Variants in GCH1 observed in about 807,000 individuals in gnomAD.
GCH1 encodes the protein GTP cyclohydrolase I.
In GCH1, 5 loss-of-function variants were observed where a neutral mutation model predicts 25.9. The ratio of observed to expected loss-of-function variants is 0.19; its 90% CI spans 0.10 to 0.41. GCH1 has a LOEUF of 0.41. GCH1 is among the 10% of genes least tolerant of loss of function. The pLI is 1.00. For synonymous variants in GCH1, 159 were observed against 129.6 expected (o/e 1.23, Z -1.54); for missense variants, 261 against 336.5 (o/e 0.78, Z 1.75).
intron 1 of GCH1, among the ~76,000 whole-genome samples, chr14:54,877,919 G>A (rs2040186758): frequency 6.6e-6 from 1 of 152,190 alleles, no homozygotes; most frequent in African/African-American, 2.4e-5. Flanking sequence ...GAGCAGACCT[G>A]AGAATTTGCA....
chr14:54,881,116 C>T (rs118144291), intron 1 of GCH1, among the ~76,000 whole-genome samples: 9,649 of 151,520 alleles, frequency 0.064, 299 homozygotes, highest in Middle Eastern at 0.099. Context: ...TGAACCACCG[C>T]GCCAGGCCAA....
At chr14:54,866,668 A>C (rs990803763) in intron 1 of GCH1, among the ~76,000 whole-genome samples, 4 of 152,118 alleles carry the variant, frequency 2.6e-5, no homozygotes, top group Non-Finnish European at 5.9e-5. Flanking sequence ...AAGATGGACA[A>C]ATGTCCACCC....
intron 1 of GCH1, among the ~76,000 whole-genome samples, chr14:54,869,260 C>CCA (rs2040035026): frequency 6.6e-6 from 1 of 151,904 alleles, no homozygotes; most frequent in Non-Finnish European, 1.5e-5. Context: ...AGGCTGGTCT[C>CCA]GAACTCCTGA....
intron 1 of GCH1, among the ~76,000 whole-genome samples, chr14:54,873,169 T>A (rs982855800): frequency 2.0e-5 from 3 of 152,134 alleles, no homozygotes; most frequent in African/African-American, 7.2e-5. Flanking sequence ...GCAATCAAAC[T>A]AGAACTCAGG....
At chr14:54,863,946 C>T (rs1002399531) in intron 2 of GCH1, among the ~76,000 whole-genome samples, 3 of 152,106 alleles carry the variant, frequency 2.0e-5, no homozygotes, top group African/African-American at 7.2e-5. Context: ...GCAACCCCTG[C>T]CTCTTGGACT....
chr14:54,853,274 G>A (rs774331350), intron 3 of GCH1, among the ~76,000 whole-genome samples: 3 of 152,188 alleles, frequency 2.0e-5, no homozygotes, highest in South Asian at 2.1e-4. Context: ...TTATGGGGTC[G>A]TTTGAAACTA....
intron 1 of GCH1, among the ~76,000 whole-genome samples, chr14:54,888,966 A>G (rs1178318550): frequency 6.6e-6 from 1 of 152,202 alleles, no homozygotes. Context: ...GCCCTCAAAA[A>G]GCTGTTTACT....
intron 1 of GCH1, among the ~76,000 whole-genome samples, chr14:54,879,984 C>CAAAAAAAA: frequency 2.0e-5 from 1 of 49,590 alleles, no homozygotes; most frequent in Non-Finnish European, 3.9e-5. Context: ...GGCTCTGTCT[C>CAAAAAAAA]AAAAAAAAAA....
intron 2 of GCH1, among the ~76,000 whole-genome samples, chr14:54,864,398 G>C (rs1256194957): frequency 2.0e-5 from 3 of 152,240 alleles, no homozygotes; most frequent in Admixed American, 6.5e-5. Context: ...ATAAAATTAT[G>C]ATGGGGGTAG....
intron 2 of GCH1, among the ~76,000 whole-genome samples, chr14:54,861,540 T>C (rs1387999963): frequency 6.6e-6 from 1 of 151,824 alleles, no homozygotes; most frequent in East Asian, 1.9e-4. Context: ...CTGGCCAACA[T>C]GGTGAGACCC....
chr14:54,845,401 C>A lies in GCH1; in HGVS notation c.626+367G>T, dbSNP rs533288178. On this transcript the variant is annotated intron_variant, in intron 5 of 5. Coordinates refer to ENST00000491895, the MANE Select transcript of GCH1 (RefSeq NM_000161.3). ...GCTGAGGCAGGAGAATCGCTTGAAC[C>A]CGGGAGGTGGAGGTTGCAGTGAGCC... 3.2e-4 allele frequency among the ~76,000 whole-genome samples: 48 copies of A among 151,822 alleles called. No individual in the cohort carries two copies. In the South Asian group the frequency reaches 0.01, roughly 32 times the overall value.
In GCH1 at chr14:54,843,495, A is replaced by C; in HGVS notation, c.*522T>G. The C allele has an allele frequency of 3.9e-6, 5 of 1,276,722 alleles. No homozygotes were observed. In the South Asian group the frequency reaches 1.0e-4, roughly 26 times the overall value. 79.1% of individuals were successfully genotyped at this position (1,276,722 alleles called of 1,614,324 possible). A position where few individuals can be genotyped will look rare whatever the true frequency, so the allele number is the denominator to read the frequency against. On this transcript the variant is annotated 3_prime_UTR_variant, in exon 6 of 6. Coordinates refer to ENST00000491895, the MANE Select transcript of GCH1 (RefSeq NM_000161.3). ...GGTGACTAACATTACGACTGCTAAA[A>C]ATATATTTTTAAATGTCACTGGTGG... is the stretch of plus-strand genomic sequence containing the variant.
At chr14:54,887,531 A>G (rs897019276) in intron 1 of GCH1, among the ~76,000 whole-genome samples, 2 of 152,254 alleles carry the variant, frequency 1.3e-5, no homozygotes, top group African/African-American at 2.4e-5. Flanking sequence ...ATTCCAGATT[A>G]AAACGTAATA....
At chr14:54,863,546 A>G (rs2039946450) in intron 2 of GCH1, among the ~76,000 whole-genome samples, 1 of 150,328 alleles carries the variant, frequency 6.7e-6, no homozygotes, top group African/African-American at 2.4e-5. Context: ...AAGGTCCACC[A>G]AGAGCAGAAT....
intron 1 of GCH1, among the ~76,000 whole-genome samples, chr14:54,871,383 C>A (rs999111085): frequency 2.6e-5 from 4 of 152,172 alleles, no homozygotes; most frequent in Non-Finnish European, 4.4e-5. Context: ...GTAGATAAAA[C>A]CACAAAGACA....
Position 54,842,884 on chromosome 14 carries a change from C to G in GCH1, c.*1133G>C. On this transcript the variant is annotated 3_prime_UTR_variant, in exon 6 of 6. Coordinates refer to ENST00000491895, the MANE Select transcript of GCH1 (RefSeq NM_000161.3). ...CATCTATACGGAGTTACAATGAGGA[C>G]AAGACCCACATAGACCACAAAGGAA... The G allele has an allele frequency of 1.8e-6, 1 of 545,300 alleles. No homozygotes were observed. Among genetic ancestry groups the G allele is most frequent in the Non-Finnish European group, 3.3e-6 (1 of 301,882 alleles). The allele number at this position is 545,300 out of a possible 1,614,324, so 33.8% of individuals were successfully genotyped here. A position where few individuals can be genotyped will look rare whatever the true frequency, so the allele number is the denominator to read the frequency against.
intron 1 of GCH1, among the ~76,000 whole-genome samples, chr14:54,870,043 C>A (rs2040046933): frequency 6.6e-6 from 1 of 152,024 alleles, no homozygotes; most frequent in African/African-American, 2.4e-5. Flanking sequence ...AACTTCACTG[C>A]AAAAGGAAAG....
At chr14:54,897,156 C>CAT (rs1566684692) in intron 1 of GCH1, among the ~76,000 whole-genome samples, 2 of 134,196 alleles carry the variant, frequency 1.5e-5, no homozygotes, top group African/African-American at 5.6e-5. Flanking sequence ...ACTACAGGCA[C>CAT]GCACCACCAC....
chr14:54,862,273 C>T (rs2039909778), intron 2 of GCH1, among the ~76,000 whole-genome samples: 1 of 151,776 alleles, frequency 6.6e-6, no homozygotes, highest in African/African-American at 2.4e-5. Context: ...TGAAGCTATC[C>T]TCCCACCTTG....
Sources: gnomAD v4.1 joint callset for allele counts (sites outside exome capture counted in the v4.1 genomes callset) on GRCh38, gnomAD v4.1.1 for gene constraint, MANE v1.5 for transcripts, NCBI Gene and HGNC (gene_info 2026-07-23, HGNC 2026-07-21) for gene names.